Variants in GRM1 observed in about 807,000 individuals in gnomAD.
GRM1 encodes the protein glutamate metabotropic receptor 1.
A neutral mutation model predicts 90.9 loss-of-function variants in GRM1; 33 were observed. The ratio of observed to expected loss-of-function variants is 0.36; its 90% confidence interval spans 0.28 to 0.49. The LOEUF is 0.49. Ranked by LOEUF, GRM1 falls within the 20% of genes least tolerant of loss-of-function variation. GRM1 has a pLI of 0.99. For synonymous variants in GRM1, 700 were observed against 613.2 expected (o/e 1.14, Z -2.09); for missense variants, 1,190 against 1,534.3 (o/e 0.78, Z 3.75).
intron 3 of GRM1, among the ~76,000 whole-genome samples, chr6:146,312,838 C>T (rs1218404777): frequency 6.6e-6 from 1 of 152,200 alleles, no homozygotes; most frequent in African/African-American, 2.4e-5. Context: ...ACGCTGCCAG[C>T]TTGCTTGGTA....
intron 1 of GRM1, among the ~76,000 whole-genome samples, chr6:146,147,250 G>A (rs574339134): frequency 2.9e-4 from 44 of 152,314 alleles, no homozygotes; most frequent in African/African-American, 5.1e-4. Context: ...AACATAGAAC[G>A]TGTTGTAGGT....
chr6:146,029,178 T>C lies in GRM1; in HGVS notation c.-340T>C, dbSNP rs1307147174. Reference sequence around the variant, plus strand: ...CCTCTGATGACAAGGTTGTGATTTTTCTCTGTCTTTTGTCAGCAGCATCTA... The same window carrying C: ...CCTCTGATGACAAGGTTGTGATTTTCCTCTGTCTTTTGTCAGCAGCATCTA... On this transcript the variant is annotated 5_prime_UTR_variant, in exon 1 of 8. Coordinates refer to ENST00000282753, the MANE Select transcript of GRM1 (RefSeq NM_001278064.2). 2.1e-5 allele frequency: 8 copies of C among 389,522 alleles called. No individual in the cohort carries two copies. Among genetic ancestry groups the C allele is most frequent in the South Asian group, 4.7e-5 (2 of 42,960 alleles). The allele number at this position is 389,522 out of a possible 1,614,324, so 24.1% of individuals were successfully genotyped here. A position where few individuals can be genotyped will look rare whatever the true frequency, so the allele number is the denominator to read the frequency against.
At chr6:146,383,217 T>C (rs181498834) in intron 5 of GRM1, among the ~76,000 whole-genome samples, 4 of 152,344 alleles carry the variant, frequency 2.6e-5, no homozygotes, top group African/African-American at 4.8e-5. Context: ...TATTCATTAA[T>C]GTATTCAGTC....
intron 1 of GRM1, among the ~76,000 whole-genome samples, chr6:146,155,680 T>C (rs1777502138): frequency 1.3e-5 from 2 of 152,102 alleles, no homozygotes; most frequent in South Asian, 4.1e-4. Context: ...GTGATGGAAA[T>C]AGCATGCATG....
intron 2 of GRM1, among the ~76,000 whole-genome samples, chr6:146,251,860 A>G (rs913739157): frequency 6.6e-6 from 1 of 152,156 alleles, no homozygotes; most frequent in Non-Finnish European, 1.5e-5. Flanking sequence ...TGCCCAGCAC[A>G]TTCTTACCAG....
chr6:146,206,147 C>T (rs1458953188), intron 2 of GRM1, among the ~76,000 whole-genome samples: 1 of 152,150 alleles, frequency 6.6e-6, no homozygotes, highest in East Asian at 1.9e-4. Flanking sequence ...GGACCTGTAT[C>T]ATTTGAAATC....
rs562594189 is a variant in GRM1, at chr6:146,200,954, C to T, written c.950+41357C>T. Among the ~76,000 whole-genome samples the T allele has an allele frequency of 1.9e-3, 285 of 152,276 alleles. 2 individuals are homozygous for T. Among genetic ancestry groups the T allele is most frequent in the Non-Finnish European group, 3.0e-3 (202 of 68,022 alleles). On this transcript the variant is annotated intron_variant, in intron 2 of 7. Transcript: ENST00000282753. ...TTCTTTTGCTCTGCTCATTTCTTGG[C>T]TGTTAGAAACTCATAGGGAAACATG... is the stretch of plus-strand genomic sequence containing the variant.
intron 1 of GRM1, among the ~76,000 whole-genome samples, chr6:146,062,427 G>A (rs975607791): frequency 6.6e-6 from 1 of 151,692 alleles, no homozygotes; most frequent in Non-Finnish European, 1.5e-5. Context: ...AACCACCATG[G>A]CACATGTATA....
chr6:146,371,626 T>C (rs1056172199), intron 5 of GRM1, among the ~76,000 whole-genome samples: 5 of 152,106 alleles, frequency 3.3e-5, no homozygotes, highest in African/African-American at 1.2e-4. Flanking sequence ...CCAACTACTC[T>C]TCCCAGCCTC....
At chr6:146,148,413 A>T (rs1456230194) in intron 1 of GRM1, among the ~76,000 whole-genome samples, 7 of 152,116 alleles carry the variant, frequency 4.6e-5, no homozygotes, top group African/African-American at 1.7e-4. Context: ...AATTGGATTT[A>T]TATTTTGCAT....
chr6:146,170,828 CT>C (rs894072130), intron 2 of GRM1, among the ~76,000 whole-genome samples: 1 of 151,550 alleles, frequency 6.6e-6, no homozygotes, highest in African/African-American at 2.4e-5. Flanking sequence ...GTGAGTCACA[CT>C]TTTTTTTAAA....
At chr6:146,394,277 T>A (rs563754534) in intron 6 of GRM1, among the ~76,000 whole-genome samples, 1 of 152,240 alleles carries the variant, frequency 6.6e-6, no homozygotes, top group African/African-American at 2.4e-5. Context: ...ATTGAGTTAG[T>A]GTGATGATTG....
chr6:146,272,851 TC>T (rs1782221218), intron 2 of GRM1, among the ~76,000 whole-genome samples: 1 of 152,148 alleles, frequency 6.6e-6, no homozygotes, highest in African/African-American at 2.4e-5. Flanking sequence ...ATGAATGGAA[TC>T]CTGGGAGTGC....
chr6:146,243,127 G>A (rs1051621543), intron 2 of GRM1, among the ~76,000 whole-genome samples: 4 of 152,116 alleles, frequency 2.6e-5, no homozygotes, highest in African/African-American at 9.7e-5. Flanking sequence ...TTGAATGCAA[G>A]CCATGAATTT....
chr6:146,089,011 T>C (rs1776633148), intron 1 of GRM1, among the ~76,000 whole-genome samples: 1 of 152,118 alleles, frequency 6.6e-6, no homozygotes, highest in South Asian at 2.1e-4. Flanking sequence ...TGTAATTTCT[T>C]CTTCTTGAGT....
chr6:146,159,641 T>TCTCTCTCTCTCTCTCACA (rs372590505), intron 2 of GRM1, 44 bp downstream of exon 2: 2 of 663,184 alleles, frequency 3.0e-6, no homozygotes, highest in Admixed American at 2.8e-5. Flanking sequence ...TCTCTCTCTC[T>TCTCTCTCTCTCTCTCACA]CACACACACA....
intron 2 of GRM1, among the ~76,000 whole-genome samples, chr6:146,247,675 C>T (rs61307545): frequency 0.095 from 14,047 of 147,808 alleles, 1,767 homozygotes; most frequent in African/African-American, 0.29. Flanking sequence ...CATTAGGACC[C>T]GGGAGGTGGA....
At chr6:146,298,578 AG>A (rs1480299219) in intron 2 of GRM1, among the ~76,000 whole-genome samples, 1 of 152,212 alleles carries the variant, frequency 6.6e-6, no homozygotes, top group African/African-American at 2.4e-5. Flanking sequence ...GATGATTTTG[AG>A]GCCATATGGA....
chr6:146,179,318 A>G (rs1419607760), intron 2 of GRM1, among the ~76,000 whole-genome samples: 3 of 152,132 alleles, frequency 2.0e-5, no homozygotes, highest in Non-Finnish European at 2.9e-5. Context: ...CTTGATTTTG[A>G]GCTTGCAGAG....
Sources: allele counts gnomAD v4.1 joint callset (sites outside exome capture counted in the v4.1 genomes callset), GRCh38; gene constraint gnomAD v4.1.1; transcripts MANE v1.5; gene names NCBI Gene and HGNC (gene_info 2026-07-23, HGNC 2026-07-21).